Variants in SFXN1 observed in about 807,000 individuals in gnomAD.
The protein encoded by SFXN1 is sideroflexin-1.
In SFXN1, 32 loss-of-function variants were observed where a neutral mutation model predicts 39.5. That is an observed-to-expected ratio of 0.81 (90% CI 0.61 to 1.09). The LOEUF is 1.09. Ranked by LOEUF, SFXN1 falls within the 50% of genes least tolerant of loss-of-function variation. The pLI, the probability that SFXN1 is intolerant of heterozygous loss-of-function variation, is 0.00. For synonymous variants in SFXN1, 136 were observed against 146.5 expected (o/e 0.93, Z 0.52); for missense variants, 402 against 407.1 (o/e 0.99, Z 0.11).
In SFXN1 at chr5:175,484,413, C is replaced by T. The variant is rs535228942; in HGVS notation, c.-10+5774C>T. Among the ~76,000 whole-genome samples, 77 of 152,226 alleles carry T rather than the reference C, an allele frequency of 5.1e-4. 1 individual carries two copies. The highest frequency in any genetic ancestry group is 1.2e-4 in the Non-Finnish European group (8 of 68,036). On this transcript the variant is annotated intron_variant, in intron 1 of 10. Coordinates refer to ENST00000321442, the MANE Select transcript of SFXN1 (RefSeq NM_022754.7). ...CCCGCAGCAGTCCCGCCCCACAACC[C>T]GGCCCTCCTGACCCGTCAGTACCAG...
At chr5:175,482,239 C>T (rs1161570151) in intron 1 of SFXN1, among the ~76,000 whole-genome samples, 4 of 152,184 alleles carry the variant, frequency 2.6e-5, no homozygotes, top group Non-Finnish European at 5.9e-5. Context: ...ACTGGGCAAT[C>T]AGACCCTTTC....
intron 2 of SFXN1, among the ~76,000 whole-genome samples, chr5:175,498,607 G>C (rs1217075878): frequency 2.0e-5 from 3 of 152,126 alleles, no homozygotes; most frequent in South Asian, 2.1e-4. Flanking sequence ...ATAAGCCTCT[G>C]GTAAGTCTAA....
intron 1 of SFXN1, among the ~76,000 whole-genome samples, chr5:175,489,016 A>G (rs1467641493): frequency 2.6e-5 from 4 of 152,172 alleles, no homozygotes; most frequent in Non-Finnish European, 5.9e-5. Flanking sequence ...TAGGGCAGGA[A>G]TTTTTGTCTT....
intron 6 of SFXN1, 137 bp downstream of exon 6, chr5:175,512,333 G>A (rs2113339176): frequency 1.3e-6 from 1 of 779,874 alleles, no homozygotes; most frequent in Non-Finnish European, 2.0e-6. Context: ...GATTTCTTTT[G>A]AAATACTCTG....
At chr5:175,496,144 C>T (rs143018456) in intron 2 of SFXN1, among the ~76,000 whole-genome samples, 87 of 152,190 alleles carry the variant, frequency 5.7e-4, no homozygotes, top group African/African-American at 2.0e-3. Flanking sequence ...GTGATCCGCC[C>T]TCCTCAGCCT....
intron 1 of SFXN1, among the ~76,000 whole-genome samples, chr5:175,481,187 A>G (rs1394892088): frequency 6.6e-6 from 1 of 152,216 alleles, no homozygotes; most frequent in Non-Finnish European, 1.5e-5. Flanking sequence ...AATAGAAATC[A>G]GAAGATTTTT....
intron 1 of SFXN1, among the ~76,000 whole-genome samples, chr5:175,491,091 TG>T (rs1759636444): frequency 6.6e-6 from 1 of 152,178 alleles, no homozygotes; most frequent in Non-Finnish European, 1.5e-5. Context: ...AAAATAAACA[TG>T]TATTACTCAG....
At chr5:175,516,342 T>G (rs919892115) in intron 7 of SFXN1, among the ~76,000 whole-genome samples, 13 of 152,232 alleles carry the variant, frequency 8.5e-5, no homozygotes, top group African/African-American at 3.1e-4. Context: ...TTTTGTCTAC[T>G]TAAACCTAAA....
chr5:175,500,397 T>C (rs1760026657), intron 2 of SFXN1, among the ~76,000 whole-genome samples: 1 of 127,368 alleles, frequency 7.9e-6, no homozygotes, highest in African/African-American at 3.3e-5. Context: ...AAAATGCCTG[T>C]ACACCAACAC....
intron 10 of SFXN1, chr5:175,524,006 A>G (rs1293684299): frequency 1.3e-5 from 2 of 150,230 alleles, no homozygotes; most frequent in African/African-American, 4.9e-5. Context: ...GTGCCCAATG[A>G]GGCAGGAGAA....
At chr5:175,523,944 G>GCTTATTTTTATTTTA (rs1195231176) in intron 10 of SFXN1, 1 of 150,796 alleles carries the variant, frequency 6.6e-6, no homozygotes, top group Non-Finnish European at 1.5e-5. Context: ...ACCCTGTTTT[G>GCTTATTTTTATTTTA]CTTATTTTTA....
intron 2 of SFXN1, among the ~76,000 whole-genome samples, chr5:175,508,008 C>T (rs1760374370): frequency 6.6e-6 from 1 of 151,118 alleles, no homozygotes; most frequent in Admixed American, 6.6e-5. Flanking sequence ...CCTGAACTAG[C>T]TTTTCATTCT....
intron 2 of SFXN1, among the ~76,000 whole-genome samples, chr5:175,502,371 C>T (rs1760117708): frequency 6.6e-6 from 1 of 152,114 alleles, no homozygotes; most frequent in Admixed American, 6.5e-5. Context: ...CAGAGCCAGA[C>T]CATGAACTGA....
chr5:175,514,195 C>G (rs1304610988), intron 7 of SFXN1, among the ~76,000 whole-genome samples: 1 of 152,056 alleles, frequency 6.6e-6, no homozygotes, highest in Non-Finnish European at 1.5e-5. Context: ...GTAATCCAGG[C>G]AAGAGGCAGT....
intron 4 of SFXN1, 68 bp downstream of exon 4, chr5:175,510,275 TCCTGTTTAAAAAAG>T: frequency 7.7e-7 from 1 of 1,300,590 alleles, no homozygotes; most frequent in Non-Finnish European, 1.1e-6. Flanking sequence ...GGTGATACTC[TCCTGTTTAAAAAAG>T]CCTATGTGTG....
At chr5:175,480,304 G>C (rs1050262036) in intron 1 of SFXN1, among the ~76,000 whole-genome samples, 1 of 152,128 alleles carries the variant, frequency 6.6e-6, no homozygotes, top group Non-Finnish European at 1.5e-5. Flanking sequence ...GGGAGGCTGA[G>C]GCAGGAGAAT....
At chr5:175,495,447 G>T (rs7724819) in intron 2 of SFXN1, among the ~76,000 whole-genome samples, 42,059 of 152,126 alleles carry the variant, frequency 0.28, 6,099 homozygotes, top group South Asian at 0.44. Context: ...TGGTTAAAAT[G>T]GCTGGGGGTG....
chr5:175,526,440 A>G (rs1026286596), intron 10 of SFXN1, among the ~76,000 whole-genome samples, 198 bp from the exon 11 acceptor site: 1 of 152,154 alleles, frequency 6.6e-6, no homozygotes, highest in Non-Finnish European at 1.5e-5. Flanking sequence ...TGGGTTCTCC[A>G]GTGCATTTCT....
chr5:175,500,089 G>A (rs1760015188), intron 2 of SFXN1, among the ~76,000 whole-genome samples: 1 of 152,152 alleles, frequency 6.6e-6, no homozygotes, highest in Admixed American at 6.5e-5. Context: ...TTGGGGTGCT[G>A]AGGCACGAGA....
Sources: gnomAD v4.1 joint callset for allele counts (sites outside exome capture counted in the v4.1 genomes callset) on GRCh38, gnomAD v4.1.1 for gene constraint, MANE v1.5 for transcripts, NCBI Gene and HGNC (gene_info 2026-07-23, HGNC 2026-07-21) for gene names.